Variants in WNK2 observed in about 807,000 individuals in gnomAD.
WNK2 encodes the protein WNK lysine deficient protein kinase 2.
WNK2 carries 67 observed loss-of-function variants against 192.1 expected under a neutral mutation model. The ratio of observed to expected loss-of-function variants is 0.35; its 90% confidence interval spans 0.29 to 0.43. WNK2 has a LOEUF of 0.43. Ranked by LOEUF, WNK2 falls within the 20% of genes least tolerant of loss-of-function variation. The pLI, the probability that WNK2 is intolerant of heterozygous loss-of-function variation, is 1.00. For synonymous variants in WNK2, 1,439 were observed against 1,393.9 expected (o/e 1.03, Z -0.72); for missense variants, 2,698 against 3,089.7 (o/e 0.87, Z 3.01).
chr9:93,204,656 A>G (rs1833058686), intron 2 of WNK2, among the ~76,000 whole-genome samples: 1 of 152,222 alleles, frequency 6.6e-6, no homozygotes, highest in Non-Finnish European at 1.5e-5. Context: ...ACAGGATGGG[A>G]CAGAGTGGGT....
At chr9:93,280,868 A>G (rs1847623150) in intron 19 of WNK2, among the ~76,000 whole-genome samples, 1 of 152,134 alleles carries the variant, frequency 6.6e-6, no homozygotes, top group Non-Finnish European at 1.5e-5. Context: ...TTTGTGGTCT[A>G]CCCATACACT....
intron 2 of WNK2, among the ~76,000 whole-genome samples, chr9:93,221,584 A>G (rs1836891570): frequency 6.6e-6 from 1 of 152,238 alleles, no homozygotes; most frequent in Admixed American, 6.5e-5. Flanking sequence ...TGGCTCAGTA[A>G]CGGAGGCACT....
At chr9:93,236,437 A>G (rs530001331) in intron 5 of WNK2, among the ~76,000 whole-genome samples, 1 of 152,186 alleles carries the variant, frequency 6.6e-6, no homozygotes, top group South Asian at 2.1e-4. Context: ...TATGTTCTCT[A>G]TATTAAGAGT....
Position 93,247,446 on chromosome 9 carries a change from C to G in WNK2, c.1543-97C>G, listed in dbSNP as rs1241711414. The stretch of plus-strand genomic sequence containing the variant: ...GCAGTGGGATGGCGAGCGTGTCCTG[C>G]GTGGATGAGCCAGTGATGGGAAAGC... On this transcript the variant is annotated intron_variant, in intron 7 of 29. Transcript: ENST00000427277. This position sits in a 1 kb window ranked among gnomAD's most constrained non-coding sequence, Gnocchi z 5.2. 2 of 1,372,512 alleles carry G rather than the reference C, an allele frequency of 1.5e-6. No individual in the cohort carries two copies. The highest frequency in any genetic ancestry group is 2.5e-5 in the East Asian group (1 of 39,736). 85.0% of individuals were successfully genotyped at this position (1,372,512 alleles called of 1,614,324 possible). A position where few individuals can be genotyped will look rare whatever the true frequency, so the allele number is the denominator to read the frequency against.
At chr9:93,187,058 G>A (rs749362518) in intron 2 of WNK2, among the ~76,000 whole-genome samples, 2 of 152,102 alleles carry the variant, frequency 1.3e-5, no homozygotes, top group African/African-American at 4.8e-5. Flanking sequence ...TCTGGCGAGC[G>A]GTCTTCCTGC....
At position 93,259,581 on chromosome 9, in the gene WNK2, A is replaced by C. The variant is rs1843876001; in HGVS notation, c.3033A>C (p.Glu1011Asp). ...RPEPLQPHLPEQAAPAATPGS... is the reference protein window; with the variant it reads ...RPEPLQPHLPDQAAPAATPGS... ...AGCCCCTCCAGCCCCACCTTCCTGA[A>C]CAAGCTGCTCCAGCTGCTACACCAG... The change falls in exon 12 of 30, where the codon GAA (glutamate) becomes GAC (aspartate). Residue 1011 changes from glutamate to aspartate, a missense_variant. This residue lies in a region of WNK2 where 893 missense variants were observed against 909.0 expected (regional missense o/e 0.98). Transcript: ENST00000427277. This position sits in a 1 kb window ranked among gnomAD's most constrained non-coding sequence, Gnocchi z 4.8. 6.3e-7 allele frequency: 1 copy of C among 1,592,886 alleles called. No individual in the cohort carries two copies. Among genetic ancestry groups the C allele is most frequent in the Admixed American group, 1.7e-5 (1 of 59,134 alleles).
At chr9:93,288,276 A>G (rs1848731510) in intron 19 of WNK2, among the ~76,000 whole-genome samples, 1 of 152,202 alleles carries the variant, frequency 6.6e-6, no homozygotes, top group African/African-American at 2.4e-5. Flanking sequence ...ACCATACCAA[A>G]GACTGGGGGT....
intron 5 of WNK2, 65 bp from the exon 6 acceptor site, chr9:93,238,168 C>A: frequency 6.8e-7 from 1 of 1,469,510 alleles, no homozygotes; most frequent in Non-Finnish European, 9.5e-7. Flanking sequence ...GTTCCTCCCA[C>A]TGTGGTGGAG....
chr9:93,206,068 G>A (rs1474100876), intron 2 of WNK2, among the ~76,000 whole-genome samples: 2 of 152,152 alleles, frequency 1.3e-5, no homozygotes, highest in East Asian at 1.9e-4. Context: ...TCCTGCCCAC[G>A]GCCCATTTTA....
chr9:93,308,161 C>T, intron 27 of WNK2, 167 bp from the exon 28 acceptor site: 4 of 1,366,830 alleles, frequency 2.9e-6, no homozygotes, highest in Non-Finnish European at 3.9e-6. Context: ...CATGTCTGAC[C>T]CTGGGCAGCC....
intron 19 of WNK2, 32 bp from the exon 20 acceptor site, chr9:93,288,756 T>C (rs1848845069): frequency 2.5e-6 from 4 of 1,575,812 alleles, no homozygotes; most frequent in African/African-American, 1.4e-5. Context: ...TGGAGTACCC[T>C]GGTACAAAGG....
intron 7 of WNK2, among the ~76,000 whole-genome samples, chr9:93,242,222 C>T (rs1840891253): frequency 6.6e-6 from 1 of 152,186 alleles, no homozygotes; most frequent in South Asian, 2.1e-4. Flanking sequence ...TGTGGGGCTC[C>T]TGCAAGCTGG....
chr9:93,318,397 C>T, intron 29 of WNK2: 2 of 1,614,044 alleles, frequency 1.2e-6, no homozygotes, highest in African/African-American at 1.3e-5. Flanking sequence ...GTTCCCTGGG[C>T]TCATCCAGGG....
At chr9:93,290,724 C>T (rs59616569) in intron 21 of WNK2, among the ~76,000 whole-genome samples, 14,472 of 152,252 alleles carry the variant, frequency 0.095, 867 homozygotes, top group Middle Eastern at 0.15. Context: ...GTGGGGGGGG[C>T]GCTGTGACTG....
chr9:93,200,497 C>T (rs1334219485), intron 2 of WNK2, among the ~76,000 whole-genome samples: 1 of 152,250 alleles, frequency 6.6e-6, no homozygotes, highest in East Asian at 1.9e-4. Flanking sequence ...CCCCTTCAGC[C>T]TCTCGGCAAT....
chr9:93,235,453 C>T (rs1481085782), intron 5 of WNK2, among the ~76,000 whole-genome samples: 1 of 152,264 alleles, frequency 6.6e-6, no homozygotes, highest in Non-Finnish European at 1.5e-5. Flanking sequence ...TCTAGGCAGT[C>T]GTCAGCGCCA....
Position 93,218,153 on chromosome 9 carries a change from G to A in WNK2, c.682-11543G>A, listed in dbSNP as rs187424880. ...AACCCTGTGTGGGGGCAGGGCAGCC[G>A]CAGGAAGACCCCAGTAGCTTGGCCT... On this transcript the variant is annotated intron_variant, in intron 2 of 29. Coordinates refer to ENST00000427277, the MANE Select transcript of WNK2 (RefSeq NM_006648.4). Among the ~76,000 whole-genome samples the A allele has an allele frequency of 9.8e-4, 149 of 152,182 alleles. 1 individual carries two copies. Among genetic ancestry groups the A allele is most frequent in the Middle Eastern group, 3.4e-3 (1 of 294 alleles).
At chr9:93,314,505 G>A (rs909977698) in intron 28 of WNK2, among the ~76,000 whole-genome samples, 2 of 151,424 alleles carry the variant, frequency 1.3e-5, no homozygotes, top group African/African-American at 4.9e-5. Flanking sequence ...TACTAAAGAA[G>A]AAATACACGC....
At chr9:93,243,954 G>A (rs915183569) in intron 7 of WNK2, among the ~76,000 whole-genome samples, 4 of 152,242 alleles carry the variant, frequency 2.6e-5, no homozygotes, top group East Asian at 1.9e-4. Context: ...AGATTAGGCC[G>A]GGTGCAGTCA....
Sources: gnomAD v4.1 joint callset for allele counts (sites outside exome capture counted in the v4.1 genomes callset) on GRCh38, gnomAD v4.1.1 for gene constraint, gnomAD v4.1.1 regional missense constraint, Gnocchi (gnomAD v3.1) non-coding constraint, MANE v1.5 for transcripts, NCBI Gene and HGNC (gene_info 2026-07-23, HGNC 2026-07-21) for gene names.